Variants in FGF13 observed in about 807,000 individuals in gnomAD.
FGF13 encodes fibroblast growth factor homologous factor 2.
In FGF13, 2 loss-of-function variants were observed where a neutral mutation model predicts 19.5. The ratio of observed to expected loss-of-function variants is 0.10; its 90% CI spans 0.04 to 0.32. FGF13 has a LOEUF of 0.32. Among genes scored for constraint, FGF13 ranks in the 10% least tolerant of loss-of-function variants. The pLI, the probability that FGF13 is intolerant of heterozygous loss-of-function variation, is 1.00. For synonymous variants in FGF13, 72 were observed against 76.9 expected (o/e 0.94, Z 0.33); for missense variants, 113 against 192.7 (o/e 0.59, Z 2.45).
intron 1 of FGF13, among the ~76,000 whole-genome samples, chrX:139,129,388 C>T (rs2083744623): frequency 9.0e-6 from 1 of 110,865 alleles, no homozygotes. Flanking sequence ...GAAACTGATG[C>T]AGTGGAGAAC....
chrX:139,204,382 A>G (rs1050382042), upstream of FGF13: 1 of 231,474 alleles, frequency 4.3e-6, no homozygotes, highest in African/African-American at 3.0e-5. Flanking sequence ...CGCCGCGCTC[A>G]AGAAGTGAAG....
At chrX:138,656,427 G>A (rs922220669) in intron 3 of FGF13, among the ~76,000 whole-genome samples, 1 of 111,494 alleles carries the variant, frequency 9.0e-6, no homozygotes, top group South Asian at 3.8e-4. Flanking sequence ...AGGTGTTAGG[G>A]GGGAATAGCA....
At chrX:138,891,216 C>T (rs957441757) in intron 1 of FGF13, among the ~76,000 whole-genome samples, 13 of 111,513 alleles carry the variant, frequency 1.2e-4, no homozygotes, top group African/African-American at 3.6e-4. Flanking sequence ...ACTCGGGAGG[C>T]GGAGCTTGCA....
intron 1 of FGF13, among the ~76,000 whole-genome samples, chrX:138,957,627 T>C (rs2091847526): frequency 8.9e-6 from 1 of 111,844 alleles, no homozygotes; most frequent in African/African-American, 3.3e-5. Flanking sequence ...ATTTTCACGA[T>C]ATTGATTCTT....
intron 3 of FGF13, among the ~76,000 whole-genome samples, chrX:138,700,770 A>G (rs2089938871): frequency 8.9e-6 from 1 of 112,056 alleles, no homozygotes; most frequent in Non-Finnish European, 1.9e-5. Flanking sequence ...TCTCTAATAG[A>G]AACACTTACT....
At chrX:138,707,791 A>G (rs1322500277) in intron 2 of FGF13, among the ~76,000 whole-genome samples, 1 of 112,008 alleles carries the variant, frequency 8.9e-6, no homozygotes, top group Non-Finnish European at 1.9e-5. Context: ...ATCGGCCATC[A>G]GCCCACGAAG....
At chrX:138,655,241 C>T (rs963014512) in intron 3 of FGF13, among the ~76,000 whole-genome samples, 3 of 111,561 alleles carry the variant, frequency 2.7e-5, no homozygotes, top group African/African-American at 9.8e-5. Flanking sequence ...AGAAGGAAAC[C>T]CTGAGTATCC....
intron 3 of FGF13, among the ~76,000 whole-genome samples, chrX:138,814,802 A>C (rs746049603): frequency 2.7e-5 from 3 of 111,204 alleles, no homozygotes; most frequent in Non-Finnish European, 5.7e-5. Context: ...AAAAATTAAA[A>C]ATAGAACTAT....
At position 138,632,797 on chromosome X, in the gene FGF13, A is replaced by G; in HGVS notation, c.*53T>C. ...GGTGAAGGACTGCTAGAAGAATTCA[A>G]CAGCACCTGGAGGTAAGGTTCTGTT... On this transcript the variant is annotated 3_prime_UTR_variant, in exon 5 of 5. Transcript: ENST00000315930. 8.6e-7 allele frequency: 1 copy of G among 1,162,509 alleles called. No homozygotes were observed. The highest frequency in any genetic ancestry group is 1.2e-6 in the Non-Finnish European group (1 of 864,905).
At chrX:139,147,825 T>C (rs746555506) in intron 1 of FGF13, among the ~76,000 whole-genome samples, 4 of 110,983 alleles carry the variant, frequency 3.6e-5, no homozygotes, top group South Asian at 7.6e-4. Context: ...GACCTTGTAT[T>C]AATTTGATTA....
At chrX:138,641,249 AAC>A (rs773287599) in intron 3 of FGF13, among the ~76,000 whole-genome samples, 2 of 112,564 alleles carry the variant, frequency 1.8e-5, no homozygotes, top group South Asian at 3.7e-4. Flanking sequence ...TGAACCTAGA[AAC>A]ACAGTTTCCT....
chrX:138,858,777 A>C (rs2124142887), intron 2 of FGF13, among the ~76,000 whole-genome samples: 1 of 111,748 alleles, frequency 8.9e-6, no homozygotes, highest in East Asian at 2.8e-4. Flanking sequence ...TAAATAAATA[A>C]ACAAATGGTG....
chrX:138,690,104 C>A (rs1602704062), intron 3 of FGF13, among the ~76,000 whole-genome samples: 1 of 111,295 alleles, frequency 9.0e-6, no homozygotes, highest in East Asian at 2.8e-4. Context: ...TGTTTTGTAT[C>A]CACTTATTGC....
chrX:139,071,433 G>A (rs1463157644), intron 1 of FGF13, among the ~76,000 whole-genome samples: 3 of 111,637 alleles, frequency 2.7e-5, no homozygotes, highest in Non-Finnish European at 5.6e-5. Flanking sequence ...CTTACAAAAC[G>A]CAAAGATTCA....
chrX:138,811,243 C>T (rs1426079554), intron 3 of FGF13, among the ~76,000 whole-genome samples: 1 of 111,590 alleles, frequency 9.0e-6, no homozygotes, highest in Non-Finnish European at 1.9e-5. Flanking sequence ...GGCACATATA[C>T]ACCATGGAAT....
intron 3 of FGF13, among the ~76,000 whole-genome samples, chrX:138,782,864 T>A (rs1259743899): frequency 1.1e-5 from 1 of 92,619 alleles, no homozygotes; most frequent in African/African-American, 4.1e-5. Flanking sequence ...AAGTCAATCC[T>A]AAGCCAAAAG....
intron 1 of FGF13, among the ~76,000 whole-genome samples, chrX:139,074,974 G>A: frequency 1.3e-5 from 1 of 74,372 alleles, no homozygotes; most frequent in Non-Finnish European, 3.1e-5. Flanking sequence ...AGAATGTGAA[G>A]CTCCATCAGT....
chrX:139,200,057 A>G (rs1294395510), intron 1 of FGF13, among the ~76,000 whole-genome samples: 1 of 112,268 alleles, frequency 8.9e-6, no homozygotes, highest in East Asian at 2.8e-4. Flanking sequence ...TAGCAAGGCT[A>G]TGATCACCTC....
At chrX:139,065,889 G>A (rs994312536) in intron 1 of FGF13, among the ~76,000 whole-genome samples, 6 of 111,154 alleles carry the variant, frequency 5.4e-5, no homozygotes, top group East Asian at 5.7e-4. Flanking sequence ...GCACCACATC[G>A]CACTTATTCT....
Sources: allele counts gnomAD v4.1 joint callset (sites outside exome capture counted in the v4.1 genomes callset), GRCh38; gene constraint gnomAD v4.1.1; transcripts MANE v1.5; gene names NCBI Gene and HGNC (gene_info 2026-07-23, HGNC 2026-07-21).